The following NVL variants were observed in gnomAD, a reference collection of about 807,000 sequenced individuals.
The protein encoded by NVL is nuclear VCP like.
In NVL, 84 loss-of-function variants were observed where a neutral mutation model predicts 110.2. The observed-to-expected ratio is 0.76, with a 90% CI of 0.64 to 0.91. The LOEUF is 0.91. NVL is among the 40% of genes least tolerant of loss of function. The pLI, the probability that NVL is intolerant of heterozygous loss-of-function variation, is 0.00. For missense variants in NVL, 882 were observed against 1,035.9 expected (o/e 0.85, Z 2.04); for synonymous variants, 354 against 361.1 (o/e 0.98, Z 0.22).
At chr1:224,290,671 G>A (rs1189185988) in intron 12 of NVL, among the ~76,000 whole-genome samples, 8 of 151,954 alleles carry the variant, frequency 5.3e-5, no homozygotes, top group Admixed American at 1.3e-4. Flanking sequence ...GCGTGGTGGC[G>A]GGCACCTGTA....
chr1:224,278,192 C>T (rs1320471397), intron 16 of NVL, among the ~76,000 whole-genome samples: 1 of 151,340 alleles, frequency 6.6e-6, no homozygotes, highest in Non-Finnish European at 1.5e-5. Context: ...TTTCCAATCC[C>T]AAGATGCCCA....
chr1:224,311,893 T>C (rs1669562370), intron 4 of NVL, 36 bp from the exon 5 acceptor site: 2 of 1,509,042 alleles, frequency 1.3e-6, no homozygotes, highest in East Asian at 4.5e-5. Context: ...TTAAAGACTT[T>C]CTCTCCCATA....
At chr1:224,298,522 C>A in intron 10 of NVL, 1 of 216,010 alleles carries the variant, frequency 4.6e-6, no homozygotes. Context: ...GCATGCTCCA[C>A]CCAGAGAAGT....
chr1:224,328,777 G>A (rs939342349), intron 1 of NVL, among the ~76,000 whole-genome samples: 1 of 152,050 alleles, frequency 6.6e-6, no homozygotes, highest in African/African-American at 2.4e-5. Flanking sequence ...ACTAAGAAAG[G>A]GCAGATTTGA....
chr1:224,234,651 G>T lies in NVL; in HGVS notation c.2367-1362C>A, dbSNP rs1423952184. On this transcript the variant is annotated intron_variant, in intron 20 of 22. Transcript: ENST00000281701. ...GGTGTTTTGTTGGCTAAATGTTAGG[G>T]TTATAACATTATTTAATAATCACAT... Among the ~76,000 whole-genome samples the T allele has an allele frequency of 3.3e-5, 5 of 152,076 alleles. No homozygotes were observed. In the East Asian group the frequency reaches 9.7e-4, roughly 29 times the overall value.
chr1:224,323,504 G>C (rs1008498309), intron 2 of NVL, among the ~76,000 whole-genome samples: 4 of 152,190 alleles, frequency 2.6e-5, no homozygotes, highest in Admixed American at 1.3e-4. Context: ...GCCAGGAATA[G>C]ACATGGGGTT....
rs555306933 is a variant in NVL at position 224,261,653 on chromosome 1, C to A, written c.2182+6381G>T. Among the ~76,000 whole-genome samples, 50 of 152,240 alleles carry A rather than the reference C, an allele frequency of 3.3e-4. 2 individuals carry two copies. In the South Asian group the frequency reaches 0.01, roughly 32 times the overall value. The stretch of plus-strand genomic sequence containing the variant: ...AAGATGTGGACTTTGATATAGCACA[C>A]ATTAGAAGAGGGCTAGGGCTATGCA... On this transcript the variant is annotated intron_variant, in intron 18 of 22. Transcript: ENST00000281701.
At chr1:224,309,621 C>T (rs1458547243) in intron 5 of NVL, among the ~76,000 whole-genome samples, 1 of 152,150 alleles carries the variant, frequency 6.6e-6, no homozygotes, top group Non-Finnish European at 1.5e-5. Context: ...AGTTGGCCCT[C>T]TATATCCAAG....
At chr1:224,308,472 CTT>C (rs1305718365) in intron 5 of NVL, among the ~76,000 whole-genome samples, 1 of 150,714 alleles carries the variant, frequency 6.6e-6, no homozygotes, top group Non-Finnish European at 1.5e-5. Flanking sequence ...GGGCAGATCA[CTT>C]GAGGTCAGGA....
chr1:224,231,116 G>T, intron 22 of NVL, 110 bp downstream of exon 22: 1 of 720,008 alleles, frequency 1.4e-6, no homozygotes, highest in Non-Finnish European at 2.3e-6. Flanking sequence ...ATGGACGACA[G>T]AGCAAGACTC....
chr1:224,244,199 C>G (rs59601520), intron 19 of NVL, among the ~76,000 whole-genome samples: 1 of 151,032 alleles, frequency 6.6e-6, no homozygotes, highest in Non-Finnish European at 1.5e-5. Flanking sequence ...AAAACCCTGT[C>G]TCTACTAAAA....
intron 16 of NVL, among the ~76,000 whole-genome samples, chr1:224,278,504 T>G (rs182478445): frequency 2.6e-5 from 4 of 152,136 alleles, no homozygotes; most frequent in African/African-American, 9.7e-5. Flanking sequence ...GTGCAGGGAT[T>G]ATAGGCGTGA....
chr1:224,293,891 G>T (rs1336894728), intron 12 of NVL, among the ~76,000 whole-genome samples: 1 of 152,138 alleles, frequency 6.6e-6, no homozygotes, highest in Non-Finnish European at 1.5e-5. Context: ...ATAACTTACT[G>T]CAGCCTTGAA....
chr1:224,236,280 A>G (rs1214228989), intron 20 of NVL, among the ~76,000 whole-genome samples: 2 of 152,092 alleles, frequency 1.3e-5, no homozygotes, highest in African/African-American at 4.8e-5. Context: ...TTAAGTACCA[A>G]GAGTCAACAT....
rs1667901809 is a variant in NVL at position 224,296,572 on chromosome 1, G to A, written c.1109C>T (p.Thr370Ile). 6.2e-7 allele frequency: 1 copy of A among 1,606,620 alleles called. No individual in the cohort carries two copies. The highest frequency in any genetic ancestry group is 8.5e-7 in the Non-Finnish European group (1 of 1,176,936). ...IIFIDEIDAI[T>I]PKREVASKDM... ...TTTTGAAGCCACTTCTCTTTTGGGG[G>A]TAATAGCATCAATTTCATCAATGAA... is the stretch of plus-strand genomic sequence containing the variant. Residue 370 changes from threonine to isoleucine, a missense_variant, in exon 11 of 23, where the codon ACC (threonine) becomes ATC (isoleucine). Physicochemically the swap from Thr to Ile is moderately conservative, Grantham distance 89 (BLOSUM62 -1). Coordinates refer to ENST00000281701, the MANE Select transcript of NVL (RefSeq NM_002533.4).
intron 14 of NVL, 22 bp from the exon 15 acceptor site, chr1:224,286,152 G>A: frequency 1.3e-6 from 2 of 1,546,456 alleles, no homozygotes; most frequent in Non-Finnish European, 8.9e-7. Context: ...GATACAAACG[G>A]CGATCCATTA....
chr1:224,326,572 C>T, intron 1 of NVL, 108 bp from the exon 2 acceptor site: 2 of 665,544 alleles, frequency 3.0e-6, no homozygotes, highest in Non-Finnish European at 5.1e-6. Flanking sequence ...ATAAACTCTT[C>T]GTTAATAAAG....
chr1:224,287,344 T>C (rs971584467), intron 14 of NVL, among the ~76,000 whole-genome samples: 2 of 152,164 alleles, frequency 1.3e-5, no homozygotes, highest in African/African-American at 4.8e-5. Context: ...TAATAAGTTC[T>C]GGTATTTGAT....
At chr1:224,254,572 G>GTTTTTTT (rs71168400) in intron 18 of NVL, among the ~76,000 whole-genome samples, 3 of 134,242 alleles carry the variant, frequency 2.2e-5, no homozygotes, top group Non-Finnish European at 3.1e-5. Flanking sequence ...TGTTTTTTTT[G>GTTTTTTT]TTTTTTTTTT....
Sources: gnomAD v4.1 joint callset for allele counts (sites outside exome capture counted in the v4.1 genomes callset) on GRCh38, gnomAD v4.1.1 for gene constraint, MANE v1.5 for transcripts, NCBI Gene and HGNC (gene_info 2026-07-23, HGNC 2026-07-21) for gene names.